MYO6: variants seen among roughly 807,000 people sequenced by gnomAD.
MYO6 encodes unconventional myosin-VI.
In MYO6, 74 loss-of-function variants were observed where a neutral mutation model predicts 178.7. The observed-to-expected ratio is 0.41, with a 90% CI of 0.34 to 0.50. The LOEUF is 0.50. Ranked by LOEUF, MYO6 falls within the 20% of genes least tolerant of loss-of-function variation. MYO6 has a pLI of 0.09. For synonymous variants in MYO6, 477 were observed against 504.6 expected (o/e 0.95, Z 0.73); for missense variants, 1,330 against 1,547.4 (o/e 0.86, Z 2.36).
intron 25 of MYO6, among the ~76,000 whole-genome samples, chr6:75,889,063 G>A (rs1778692290): frequency 6.6e-6 from 1 of 152,056 alleles, no homozygotes; most frequent in African/African-American, 2.4e-5. Flanking sequence ...GTCAGTGCAA[G>A]TATGTGGGAT....
intron 10 of MYO6, among the ~76,000 whole-genome samples, 177 bp downstream of exon 10, chr6:75,845,154 G>T (rs1053201698): frequency 6.6e-6 from 1 of 152,014 alleles, no homozygotes; most frequent in African/African-American, 2.4e-5. Flanking sequence ...ACCTCTTGTT[G>T]TTATCTAGTG....
chr6:75,816,587 G>A (rs1771272234), intron 1 of MYO6, among the ~76,000 whole-genome samples: 1 of 152,176 alleles, frequency 6.6e-6, no homozygotes, highest in Non-Finnish European at 1.5e-5. Context: ...ACATTTCACT[G>A]TATGTCAGTT....
chr6:75,764,307 C>G (rs181652631), intron 1 of MYO6, among the ~76,000 whole-genome samples: 14 of 152,218 alleles, frequency 9.2e-5, no homozygotes, highest in Non-Finnish European at 2.1e-4. Flanking sequence ...CTCCTTCGCT[C>G]TAGCCCCGTT....
At chr6:75,827,297 GGTAGGTTTTTGACACCTAGAAAT>G (rs1475696293) in intron 3 of MYO6, among the ~76,000 whole-genome samples, 1 of 152,134 alleles carries the variant, frequency 6.6e-6, no homozygotes, top group African/African-American at 2.4e-5. Flanking sequence ...TTAAAGAGTA[GGTAGGTTTTTGACACCTAGAAAT>G]GTAGAGGATA....
intron 6 of MYO6, 25 bp downstream of exon 6, chr6:75,832,972 A>G: frequency 6.7e-7 from 1 of 1,494,098 alleles, no homozygotes; most frequent in South Asian, 1.1e-5. Context: ...AACTTGAAGT[A>G]TTTGAGTAGG....
chr6:75,754,578 A>G (rs916327630), intron 1 of MYO6, among the ~76,000 whole-genome samples: 23 of 147,082 alleles, frequency 1.6e-4, no homozygotes, highest in Non-Finnish European at 3.0e-4. Flanking sequence ...ACAAGGTAAT[A>G]TATTTTCTGT....
At chr6:75,788,898 A>C (rs1767950467) in intron 1 of MYO6, among the ~76,000 whole-genome samples, 1 of 152,244 alleles carries the variant, frequency 6.6e-6, no homozygotes, top group African/African-American at 2.4e-5. Flanking sequence ...GAATTAAGGA[A>C]TTGAGGAAAG....
At chr6:75,806,694 T>C (rs578233436) in intron 1 of MYO6, among the ~76,000 whole-genome samples, 5 of 152,352 alleles carry the variant, frequency 3.3e-5, no homozygotes, top group African/African-American at 1.2e-4. Context: ...AACAATAGCA[T>C]GAGTGAGCTG....
At chr6:75,780,386 G>A (rs760367030) in intron 1 of MYO6, among the ~76,000 whole-genome samples, 4 of 152,190 alleles carry the variant, frequency 2.6e-5, no homozygotes, top group Non-Finnish European at 5.9e-5. Context: ...AGATTGCAGT[G>A]AGTCGAGATT....
intron 6 of MYO6, 119 bp downstream of exon 6, chr6:75,833,066 A>T: frequency 1.4e-6 from 1 of 721,650 alleles, no homozygotes; most frequent in South Asian, 1.5e-5. Context: ...AGCTCACTGT[A>T]GCCTTGACCT....
At chr6:75,866,501 A>C (rs1310324138) in intron 16 of MYO6, 25 bp from the exon 17 acceptor site, 1 of 1,519,834 alleles carries the variant, frequency 6.6e-7, no homozygotes, top group East Asian at 2.3e-5. Context: ...ATCATTTAAT[A>C]ACTCATATAT....
intron 1 of MYO6, among the ~76,000 whole-genome samples, chr6:75,789,155 A>G (rs146485819): frequency 6.6e-6 from 1 of 152,294 alleles, no homozygotes; most frequent in East Asian, 1.9e-4. Flanking sequence ...TAGATCTTCA[A>G]TTCATTACAG....
chr6:75,811,168 G>T (rs1184212491), intron 1 of MYO6, among the ~76,000 whole-genome samples: 1 of 152,100 alleles, frequency 6.6e-6, no homozygotes, highest in South Asian at 2.1e-4. Context: ...TGTGTGGTTG[G>T]TGTGAGGAAA....
intron 1 of MYO6, among the ~76,000 whole-genome samples, chr6:75,776,442 C>G (rs947729791): frequency 6.6e-6 from 1 of 152,128 alleles, no homozygotes; most frequent in Non-Finnish European, 1.5e-5. Flanking sequence ...TGAATAACAT[C>G]TGTTTACATT....
chr6:75,848,266 T>C, intron 10 of MYO6, 85 bp from the exon 11 acceptor site: 1 of 1,199,662 alleles, frequency 8.3e-7, no homozygotes, highest in Non-Finnish European at 1.2e-6. Context: ...GCATGTTATA[T>C]AGTGCATTAA....
At chr6:75,847,694 T>C (rs2150276250) in intron 10 of MYO6, among the ~76,000 whole-genome samples, 1 of 152,176 alleles carries the variant, frequency 6.6e-6, no homozygotes, top group African/African-American at 2.4e-5. Context: ...TATATGCATA[T>C]AAAAAGGTTT....
At chr6:75,808,789 G>C (rs1770370874) in intron 1 of MYO6, among the ~76,000 whole-genome samples, 1 of 152,162 alleles carries the variant, frequency 6.6e-6, no homozygotes, top group South Asian at 2.1e-4. Flanking sequence ...GGTTTTATAT[G>C]TTTTAGGTAG....
At chr6:75,777,377 A>AT (rs1766493074) in intron 1 of MYO6, among the ~76,000 whole-genome samples, 1 of 151,820 alleles carries the variant, frequency 6.6e-6, no homozygotes, top group Non-Finnish European at 1.5e-5. Flanking sequence ...GGTTTAAAAG[A>AT]TTTTTTTAAA....
intron 1 of MYO6, among the ~76,000 whole-genome samples, chr6:75,803,451 C>T (rs1021008502): frequency 7.9e-5 from 12 of 152,106 alleles, no homozygotes; most frequent in Admixed American, 7.2e-4. Flanking sequence ...GGTCATACAT[C>T]AGGACCAGGG....
Sources: gnomAD v4.1 joint callset for allele counts (sites outside exome capture counted in the v4.1 genomes callset) on GRCh38, gnomAD v4.1.1 for gene constraint, MANE v1.5 for transcripts, NCBI Gene and HGNC (gene_info 2026-07-23, HGNC 2026-07-21) for gene names.